Variants in SORT1 observed in about 807,000 individuals in gnomAD.
SORT1 encodes sortilin.
In SORT1, 39 loss-of-function variants were observed where a neutral mutation model predicts 101.7. The observed-to-expected ratio is 0.38, with a 90% CI of 0.30 to 0.50. The LOEUF (loss-of-function observed/expected upper bound fraction) is 0.50, where lower values mean the gene tolerates loss of function less well. Among genes scored for constraint, SORT1 ranks in the 20% least tolerant of loss-of-function variants. SORT1 has a pLI of 0.90. For synonymous variants in SORT1, 396 were observed against 393.7 expected (o/e 1.01, Z -0.07); for missense variants, 878 against 1,040.4 (o/e 0.84, Z 2.15).
chr1:109,371,732 T>G (rs557477987), intron 1 of SORT1, among the ~76,000 whole-genome samples: 1 of 152,278 alleles, frequency 6.6e-6, no homozygotes, highest in African/African-American at 2.4e-5. Flanking sequence ...GAAATGGTAA[T>G]GGACCTCACT....
chr1:109,395,946 T>G (rs1653157980), intron 1 of SORT1, among the ~76,000 whole-genome samples: 1 of 151,922 alleles, frequency 6.6e-6, no homozygotes, highest in African/African-American at 2.4e-5. Context: ...AACAATTAGC[T>G]GGGTGCATGT....
intron 1 of SORT1, among the ~76,000 whole-genome samples, chr1:109,382,856 C>T (rs574421599): frequency 6.6e-6 from 1 of 152,250 alleles, no homozygotes; most frequent in Admixed American, 6.5e-5. Flanking sequence ...TAAGACTCAT[C>T]CAAGCATTTA....
At chr1:109,328,944 T>C (rs1379622932) in intron 11 of SORT1, among the ~76,000 whole-genome samples, 3 of 152,160 alleles carry the variant, frequency 2.0e-5, no homozygotes, top group African/African-American at 4.8e-5. Flanking sequence ...GCAGATCTAC[T>C]TACCGGGCTC....
intron 3 of SORT1, among the ~76,000 whole-genome samples, chr1:109,366,319 C>T (rs1651086624): frequency 1.3e-5 from 2 of 152,166 alleles, no homozygotes; most frequent in South Asian, 2.1e-4. Context: ...TGAGAGCCTC[C>T]TTCTTACCTA....
intron 1 of SORT1, among the ~76,000 whole-genome samples, chr1:109,372,270 C>G (rs1161987178): frequency 6.6e-6 from 1 of 152,202 alleles, no homozygotes. Context: ...ATATGTATTA[C>G]AGCACTTTTA....
chr1:109,339,843 C>G (rs1649092251), intron 10 of SORT1, among the ~76,000 whole-genome samples: 1 of 152,066 alleles, frequency 6.6e-6, no homozygotes, highest in Non-Finnish European at 1.5e-5. Context: ...GCCTAAGTGT[C>G]CATCAATGGA....
chr1:109,397,364 G>C (rs1384594162), intron 1 of SORT1: 1 of 162,264 alleles, frequency 6.2e-6, no homozygotes, highest in Non-Finnish European at 1.3e-5. Context: ...AAAAGAATGC[G>C]GTGGAAGTCT....
At chr1:109,390,793 G>C (rs1652863287) in intron 1 of SORT1, among the ~76,000 whole-genome samples, 1 of 142,800 alleles carries the variant, frequency 7.0e-6, no homozygotes, top group Non-Finnish European at 1.5e-5. Flanking sequence ...GTGTGTGTGT[G>C]TGTGTGCGCG....
chr1:109,314,534 A>G (rs1168222765), intron 18 of SORT1, 138 bp downstream of exon 18: 1 of 1,179,478 alleles, frequency 8.5e-7, no homozygotes, highest in Non-Finnish European at 1.2e-6. Context: ...AATGTACGAC[A>G]TGAGAAGATT....
chr1:109,350,293 T>C (rs948869503), intron 6 of SORT1, among the ~76,000 whole-genome samples: 4 of 152,178 alleles, frequency 2.6e-5, no homozygotes, highest in Non-Finnish European at 5.9e-5. Context: ...ATTCTCCAAA[T>C]AAGCCTCCTT....
At chr1:109,329,686 C>G (rs1253238560) in intron 11 of SORT1, among the ~76,000 whole-genome samples, 2 of 152,212 alleles carry the variant, frequency 1.3e-5, no homozygotes, top group Non-Finnish European at 2.9e-5. Context: ...TATAAATGCA[C>G]TCAACATTAG....
chr1:109,375,752 G>A (rs1306866851), intron 1 of SORT1, among the ~76,000 whole-genome samples: 1 of 151,906 alleles, frequency 6.6e-6, no homozygotes, highest in Admixed American at 6.6e-5. Context: ...TACATACAGA[G>A]AAACAAAGAA....
chr1:109,356,825 A>G (rs907215421), intron 3 of SORT1, among the ~76,000 whole-genome samples: 10 of 152,360 alleles, frequency 6.6e-5, no homozygotes, highest in Admixed American at 4.6e-4. Context: ...CAAAAATTCC[A>G]TAGCTGTCTA....
intron 6 of SORT1, among the ~76,000 whole-genome samples, chr1:109,349,360 C>T (rs986270205): frequency 7.9e-5 from 12 of 152,060 alleles, no homozygotes; most frequent in Admixed American, 1.3e-4. Flanking sequence ...AAAAAAAATT[C>T]CTTCCTTCCT....
chr1:109,325,490 T>C (rs1647943539), intron 13 of SORT1, among the ~76,000 whole-genome samples: 1 of 151,988 alleles, frequency 6.6e-6, no homozygotes, highest in Non-Finnish European at 1.5e-5. Flanking sequence ...TCTTCCCACC[T>C]TGGCCTCCCA....
At chr1:109,325,273 C>G (rs1038262886) in intron 13 of SORT1, among the ~76,000 whole-genome samples, 184 bp from the exon 14 acceptor site, 1 of 125,010 alleles carries the variant, frequency 8.0e-6, no homozygotes, top group African/African-American at 3.0e-5. Flanking sequence ...GAGTCTCACT[C>G]TGTCACCGGG....
intron 6 of SORT1, among the ~76,000 whole-genome samples, chr1:109,348,373 T>C (rs1649734663): frequency 6.6e-6 from 1 of 151,028 alleles, no homozygotes; most frequent in Non-Finnish European, 1.5e-5. Context: ...GCATCCTGGT[T>C]ATTCATATTT....
chr1:109,370,453 A>G (rs1305802923), intron 1 of SORT1, among the ~76,000 whole-genome samples: 1 of 152,098 alleles, frequency 6.6e-6, no homozygotes, highest in African/African-American at 2.4e-5. Flanking sequence ...AATTTTTGTA[A>G]CTGATAAAAA....
intron 3 of SORT1, among the ~76,000 whole-genome samples, chr1:109,360,280 G>A (rs978627818): frequency 2.0e-5 from 3 of 152,120 alleles, no homozygotes; most frequent in Non-Finnish European, 4.4e-5. Context: ...AAGCTACAAT[G>A]AGCCGTGATC....
Sources: allele counts gnomAD v4.1 joint callset (sites outside exome capture counted in the v4.1 genomes callset), GRCh38; gene constraint gnomAD v4.1.1; transcripts MANE v1.5; gene names NCBI Gene and HGNC (gene_info 2026-07-23, HGNC 2026-07-21).